Variants in DNAH14 observed in about 807,000 individuals in gnomAD.
DNAH14 encodes the protein axonemal beta dynein heavy chain 14.
A neutral mutation model predicts 520.9 loss-of-function variants in DNAH14; 478 were observed. The observed-to-expected ratio is 0.92, with a 90% confidence interval of 0.85 to 0.99. DNAH14 has a LOEUF of 0.99. Among genes scored for constraint, DNAH14 ranks in the 50% least tolerant of loss-of-function variants. The pLI, the probability that DNAH14 is intolerant of heterozygous loss-of-function variation, is 0.00. For synonymous variants in DNAH14, 1,581 were observed against 1,757.2 expected (o/e 0.90, Z 2.51); for missense variants, 4,831 against 5,234.5 (o/e 0.92, Z 2.38).
At chr1:225,058,905 A>G (rs370751299) in intron 17 of DNAH14, among the ~76,000 whole-genome samples, 2 of 152,110 alleles carry the variant, frequency 1.3e-5, no homozygotes, top group African/African-American at 4.8e-5. Context: ...ACAGTTTGTT[A>G]TAATTTTTAT....
At chr1:225,279,703 G>T (rs1381083786) in intron 54 of DNAH14, among the ~76,000 whole-genome samples, 1 of 152,058 alleles carries the variant, frequency 6.6e-6, no homozygotes, top group Non-Finnish European at 1.5e-5. Context: ...TGGTTTAAAA[G>T]ATTATTGCAT....
In DNAH14 at chr1:225,357,928, A is replaced by G. The variant is rs538964682; in HGVS notation, c.11620-568A>G. The G allele has an allele frequency of 2.2e-4, 154 of 688,268 alleles. 1 individual carries two copies. The highest frequency in any genetic ancestry group is 2.1e-3 in the South Asian group (138 of 64,526). 42.6% of individuals were successfully genotyped at this position (688,268 alleles called of 1,614,324 possible). A position where few individuals can be genotyped will look rare whatever the true frequency, so the allele number is the denominator to read the frequency against. Reference sequence around the variant, plus strand: ...AAAGGTCTTTCCTCTGAAATTTTCAATGATTTCCAGTATACCCTGAACCTC... The same window carrying G: ...AAAGGTCTTTCCTCTGAAATTTTCAGTGATTTCCAGTATACCCTGAACCTC... On this transcript the variant is annotated intron_variant, in intron 73 of 85. Transcript: ENST00000682510.
chr1:225,266,906 C>A (rs2149802847), intron 49 of DNAH14, 137 bp downstream of exon 49: 2 of 695,778 alleles, frequency 2.9e-6, no homozygotes, highest in Non-Finnish European at 4.4e-6. Flanking sequence ...AAAGTTGAGA[C>A]CCTAAACTAA....
intron 10 of DNAH14, among the ~76,000 whole-genome samples, chr1:225,016,315 T>C (rs58934881): frequency 0.027 from 4,067 of 152,350 alleles, 190 homozygotes; most frequent in African/African-American, 0.092. Flanking sequence ...GAAGAATTTC[T>C]CTGCTGGGAA....
Position 225,175,641 on chromosome 1 carries a change from T to G in DNAH14, c.5535+7613T>G, listed in dbSNP as rs568366407. Among the ~76,000 whole-genome samples the G allele has an allele frequency of 5.9e-5, 9 of 151,844 alleles. No individual in the cohort carries two copies. The South Asian group carries it at 1.2e-3, about 21-fold the overall frequency. Reference sequence around the variant, plus strand: ...TCCCTATTCTCTCATCTTTATTTTTTGGGTTTTGATTGTTCTTATTTTTCT... The same window carrying G: ...TCCCTATTCTCTCATCTTTATTTTTGGGGTTTTGATTGTTCTTATTTTTCT... On this transcript the variant is annotated intron_variant, in intron 36 of 85. Coordinates refer to ENST00000682510, the MANE Select transcript of DNAH14 (RefSeq NM_001367479.1).
At chr1:224,948,482 G>C (rs1311114140) in intron 1 of DNAH14, among the ~76,000 whole-genome samples, 1 of 151,630 alleles carries the variant, frequency 6.6e-6, no homozygotes, top group Non-Finnish European at 1.5e-5. Flanking sequence ...TTTGTCTTTT[G>C]AATAGGGTAT....
In DNAH14 at chr1:225,304,892, AATT is replaced by A. The variant is rs2094209329; in HGVS notation, c.8824-9_8824-7del. 1 of 1,497,486 alleles carries A rather than the reference AATT, an allele frequency of 6.7e-7. No homozygotes were observed. Among genetic ancestry groups the A allele is most frequent in the African/African-American group, 1.4e-5 (1 of 69,800 alleles). The allele number at this position is 1,497,486 out of a possible 1,614,324, so 92.8% of individuals were successfully genotyped here. A position where few individuals can be genotyped will look rare whatever the true frequency, so the allele number is the denominator to read the frequency against. On this transcript the variant is annotated splice_polypyrimidine_tract_variant and intron_variant, in intron 57 of 85. Coordinates refer to ENST00000682510, the MANE Select transcript of DNAH14 (RefSeq NM_001367479.1). ...GGATTGCTTTCTCTTAATTCTTAAAAATTATTATTCTTCAGAACTTGAAAGAAA... is the reference window on the plus strand; with the variant it reads ...GGATTGCTTTCTCTTAATTCTTAAAAATTATTCTTCAGAACTTGAAAGAAA...
chr1:224,960,343 A>T lies in DNAH14; in HGVS notation c.367+41A>T, dbSNP rs761997816. 3.4e-6 allele frequency: 5 copies of T among 1,461,990 alleles called. No homozygotes were observed. In the African/African-American group the frequency reaches 5.7e-5, roughly 17 times the overall value. 90.6% of individuals were successfully genotyped at this position (1,461,990 alleles called of 1,614,324 possible). ...GAACCAATTGCTTAGAAATCACTAT[A>T]CTTTTTCAGATTATTCTGTGGTTTG... On this transcript the variant is annotated intron_variant, in intron 4 of 85. Coordinates refer to ENST00000682510, the MANE Select transcript of DNAH14 (RefSeq NM_001367479.1).
Position 225,337,354 on chromosome 1 carries a change from T to A in DNAH14, c.10169T>A (p.Leu3390Gln), listed in dbSNP as rs2095078387. The A allele has an allele frequency of 3.9e-6, 6 of 1,551,686 alleles. No individual in the cohort carries two copies. Among genetic ancestry groups the A allele is most frequent in the Non-Finnish European group, 5.2e-6 (6 of 1,146,966 alleles). The change falls in exon 67 of 86, where the codon CTG (leucine) becomes CAG (glutamine). Residue 3390 changes from leucine to glutamine, a missense_variant. Transcript: ENST00000682510. The stretch of plus-strand genomic sequence containing the variant: ...ATCAAGAATGGCCAGCAGTGGCCAC[T>A]GCTGATTGACCCACATAGGCAAGCT... ...ILIKNGQQWPLLIDPHRQAHK... is the reference protein window; with the variant it reads ...ILIKNGQQWPQLIDPHRQAHK...
intron 2 of DNAH14, among the ~76,000 whole-genome samples, chr1:224,954,286 A>G (rs373522579): frequency 6.6e-6 from 1 of 152,178 alleles, no homozygotes; most frequent in Admixed American, 6.5e-5. Context: ...GTCCTAGAAA[A>G]GAAATATTAC....
rs117745549 is a variant in DNAH14 at position 225,307,613 on chromosome 1, T to C, written c.9114+44T>C. On this transcript the variant is annotated intron_variant, in intron 59 of 85. Coordinates refer to ENST00000682510, the MANE Select transcript of DNAH14 (RefSeq NM_001367479.1). ...CTCTTTTAAAGATTTTATAGTCTAATATAGAACAGTGTTTGAAAGCAAAGG... is the reference window on the plus strand; with the variant it reads ...CTCTTTTAAAGATTTTATAGTCTAACATAGAACAGTGTTTGAAAGCAAAGG... 1,335 of 1,421,336 alleles carry C rather than the reference T, an allele frequency of 9.4e-4. 20 individuals carry two copies. The East Asian group carries it at 0.022, about 23-fold the overall frequency. 88.0% of individuals were successfully genotyped at this position (1,421,336 alleles called of 1,614,324 possible).
At chr1:224,950,358 G>A (rs577680276) in intron 1 of DNAH14, among the ~76,000 whole-genome samples, 1 of 152,156 alleles carries the variant, frequency 6.6e-6, no homozygotes, top group East Asian at 1.9e-4. Context: ...AATTTTGCAT[G>A]TTTTGAAATG....
chr1:225,239,212 T>C (rs993991840), intron 42 of DNAH14, among the ~76,000 whole-genome samples: 1 of 152,134 alleles, frequency 6.6e-6, no homozygotes, highest in East Asian at 1.9e-4. Flanking sequence ...CTGAGATTCC[T>C]GGGGCCAGAG....
At chr1:225,350,276 G>A (rs892492069) in intron 71 of DNAH14, among the ~76,000 whole-genome samples, 5 of 152,030 alleles carry the variant, frequency 3.3e-5, no homozygotes, top group Admixed American at 6.6e-5. Context: ...TACATTGAAA[G>A]CAGTGCTAAG....
rs1320471038 is a variant in DNAH14, at chr1:225,068,865, G to A, written c.2425-10342G>A. On this transcript the variant is annotated intron_variant, in intron 17 of 85. Coordinates refer to ENST00000682510, the MANE Select transcript of DNAH14 (RefSeq NM_001367479.1). The stretch of plus-strand genomic sequence containing the variant: ...TGGGAGGCCGAGGCGGGCGGATCAC[G>A]AGGTCAGGAGATCGAGACCATCCCG... Among the ~76,000 whole-genome samples, 2 of 1,156 alleles carry A rather than the reference G, an allele frequency of 1.7e-3. 1 individual carries two copies. The highest frequency in any genetic ancestry group is 8.3e-3 in the African/African-American group (2 of 240). The allele number at this position is 1,156 out of a possible 152,430, so 0.8% of individuals were successfully genotyped here.
intron 21 of DNAH14, among the ~76,000 whole-genome samples, chr1:225,089,317 G>A (rs1049986629): frequency 1.3e-5 from 2 of 151,742 alleles, no homozygotes; most frequent in Non-Finnish European, 2.9e-5. Flanking sequence ...GGTGGCAGGT[G>A]CCTGTAATCC....
intron 44 of DNAH14, among the ~76,000 whole-genome samples, chr1:225,254,373 G>A (rs1051650240): frequency 6.6e-6 from 1 of 152,124 alleles, no homozygotes; most frequent in African/African-American, 2.4e-5. Flanking sequence ...ACCTGACATT[G>A]ACTTAAAAGT....
chr1:225,150,806 T>G (rs1014635438), intron 31 of DNAH14, among the ~76,000 whole-genome samples: 4 of 152,166 alleles, frequency 2.6e-5, no homozygotes, highest in Admixed American at 2.6e-4. Context: ...CTCGGCTTAC[T>G]GCAACCTCTG....
At chr1:225,155,075 C>T (rs1478505474) in intron 34 of DNAH14, among the ~76,000 whole-genome samples, 2 of 152,052 alleles carry the variant, frequency 1.3e-5, no homozygotes, top group East Asian at 3.8e-4. Context: ...ATTAAAATGA[C>T]ACTGAAATTC....
Sources: gnomAD v4.1 joint callset for allele counts (sites outside exome capture counted in the v4.1 genomes callset) on GRCh38, gnomAD v4.1.1 for gene constraint, MANE v1.5 for transcripts, NCBI Gene and HGNC (gene_info 2026-07-23, HGNC 2026-07-21) for gene names.